GALR1: variants seen among roughly 807,000 people sequenced by gnomAD.
GALR1 encodes galanin receptor 1, also known as galanin receptor type 1.
GALR1 carries 11 observed loss-of-function variants against 17.9 expected under a neutral mutation model. That is an observed-to-expected ratio of 0.62 (90% CI 0.39 to 1.02). The LOEUF (loss-of-function observed/expected upper bound fraction) is 1.02. Ranked by LOEUF, GALR1 falls within the 50% of genes least tolerant of loss-of-function variation. The pLI is 0.01. For missense variants in GALR1, 441 were observed against 456.9 expected (o/e 0.97, Z 0.32); for synonymous variants, 206 against 205.7 (o/e 1.00, Z -0.01).
chr18:77,277,225 T>G lies in GALR1; in HGVS notation c.*8323T>G, dbSNP rs1335755459. On this transcript the variant is annotated 3_prime_UTR_variant, in exon 3 of 3. Coordinates refer to ENST00000299727, the MANE Select transcript of GALR1 (RefSeq NM_001480.4). ...ATCTATGTGTACTGTATTTTTAAAT[T>G]TTAATAAGGTTTGATATGGTTTGGC... is the stretch of plus-strand genomic sequence containing the variant. 3 of 152,220 alleles carry G rather than the reference T, an allele frequency of 2.0e-5. No homozygotes were observed. Among genetic ancestry groups the G allele is most frequent in the Admixed American group, 6.5e-5 (1 of 15,288 alleles). 9.4% of individuals were successfully genotyped at this position (152,220 alleles called of 1,614,324 possible).
intron 2 of GALR1, among the ~76,000 whole-genome samples, chr18:77,262,681 T>A (rs1019706707): frequency 6.6e-6 from 1 of 152,180 alleles, no homozygotes; most frequent in African/African-American, 2.4e-5. Context: ...CCCCTGGAGA[T>A]ATTTAGCTGG....
Position 77,252,832 on chromosome 18 carries a change from C to T in GALR1, c.666+1618C>T, listed in dbSNP as rs575327407. On this transcript the variant is annotated intron_variant, in intron 1 of 2. Coordinates refer to ENST00000299727, the MANE Select transcript of GALR1 (RefSeq NM_001480.4). ...CACTGAACTCTAGCCTGGCTGACAA[C>T]GGAGCGAGACTCTGTCTCAAAACAC... Among the ~76,000 whole-genome samples the T allele has an allele frequency of 1.9e-3, 252 of 135,804 alleles. 1 individual carries two copies. Among genetic ancestry groups the T allele is most frequent in the Non-Finnish European group, 2.8e-3 (179 of 62,944 alleles). 89.1% of individuals were successfully genotyped at this position (135,804 alleles called of 152,430 possible).
Position 77,269,783 on chromosome 18 carries a change from T to C in GALR1, c.*881T>C, listed in dbSNP as rs531571613. The C allele has an allele frequency of 3.3e-5, 5 of 152,304 alleles. No individual in the cohort carries two copies. The South Asian group carries it at 8.3e-4, about 25-fold the overall frequency. The allele number at this position is 152,304 out of a possible 1,614,324, so 9.4% of individuals were successfully genotyped here. A position where few individuals can be genotyped will look rare whatever the true frequency, so the allele number is the denominator to read the frequency against. On this transcript the variant is annotated 3_prime_UTR_variant, in exon 3 of 3. Transcript: ENST00000299727. Reference sequence around the variant, plus strand: ...GATGAAAAAAAATCAGCGAGGTTGATGTAGATAATAATTTCTATGGGACCA... The same window carrying C: ...GATGAAAAAAAATCAGCGAGGTTGACGTAGATAATAATTTCTATGGGACCA...
At chr18:77,266,543 G>A (rs753223346) in intron 2 of GALR1, among the ~76,000 whole-genome samples, 12 of 152,192 alleles carry the variant, frequency 7.9e-5, no homozygotes, top group African/African-American at 2.4e-4. Flanking sequence ...CCAATTTACC[G>A]TATTAGTCCA....
chr18:77,267,538 A>G (rs553991465), intron 2 of GALR1, among the ~76,000 whole-genome samples: 3 of 152,360 alleles, frequency 2.0e-5, no homozygotes, highest in South Asian at 4.1e-4. Context: ...TGTTGTGACC[A>G]TCGCGGCACT....
chr18:77,268,824 A>T lies in GALR1; in HGVS notation c.972A>T (p.Lys324Asn). The change falls in exon 3 of 3, where the codon AAA becomes AAT. Residue 324 changes from lysine to asparagine, a missense_variant. By Grantham distance (94) the Lys-to-Asn change is moderately conservative (BLOSUM62 0). Coordinates refer to ENST00000299727, the MANE Select transcript of GALR1 (RefSeq NM_001480.4). The stretch of plus-strand genomic sequence containing the variant: ...AAGTGTTCAAGTGTCACATTCGCAA[A>T]GATTCACACCTGAGTGATACTAAAG... ...YKQVFKCHIR[K>N]DSHLSDTKES... 6.2e-7 allele frequency: 1 copy of T among 1,614,034 alleles called. No individual in the cohort carries two copies. The highest frequency in any genetic ancestry group is 8.5e-7 in the Non-Finnish European group (1 of 1,179,884).
intron 2 of GALR1, among the ~76,000 whole-genome samples, chr18:77,257,902 G>A (rs2144955263): frequency 1.3e-5 from 2 of 152,346 alleles, no homozygotes; most frequent in African/African-American, 4.8e-5. Context: ...CCATTGATCT[G>A]TGATAAATGT....
intron 2 of GALR1, among the ~76,000 whole-genome samples, chr18:77,258,923 GAT>G (rs1912711776): frequency 6.8e-6 from 1 of 147,390 alleles, no homozygotes; most frequent in Admixed American, 6.7e-5. Flanking sequence ...TGGTGGTGAT[GAT>G]GGTCATGGTG....
chr18:77,264,764 G>T (rs1205590028), intron 2 of GALR1, among the ~76,000 whole-genome samples: 1 of 152,180 alleles, frequency 6.6e-6, no homozygotes, highest in Non-Finnish European at 1.5e-5. Context: ...CAGCAGGAAG[G>T]AGAAGAATGA....
intron 1 of GALR1, among the ~76,000 whole-genome samples, chr18:77,251,746 CCGT>C (rs1912422712): frequency 6.6e-6 from 1 of 152,176 alleles, no homozygotes; most frequent in Admixed American, 6.5e-5. Context: ...TCTCAGCTGG[CCGT>C]GGCGGGGGGG....
chr18:77,267,167 C>T (rs986928488), intron 2 of GALR1, among the ~76,000 whole-genome samples: 8 of 152,322 alleles, frequency 5.3e-5, no homozygotes, highest in South Asian at 2.1e-4. Flanking sequence ...TGTCCCTTCA[C>T]GCCAGGGAAC....
In GALR1 at chr18:77,271,137, A is replaced by G. The variant is rs928211348; in HGVS notation, c.*2235A>G. On this transcript the variant is annotated 3_prime_UTR_variant, in exon 3 of 3. Coordinates refer to ENST00000299727, the MANE Select transcript of GALR1 (RefSeq NM_001480.4). ...AAAAAATACTGTAGCTAATGTTGCTATTTTCTAGAGGCATGCCGAAAATGT... is the reference window on the plus strand; with the variant it reads ...AAAAAATACTGTAGCTAATGTTGCTGTTTTCTAGAGGCATGCCGAAAATGT... The G allele has an allele frequency of 1.3e-5, 2 of 150,436 alleles. No homozygotes were observed. Among genetic ancestry groups the G allele is most frequent in the African/African-American group, 2.4e-5 (1 of 40,948 alleles). 9.3% of individuals were successfully genotyped at this position (150,436 alleles called of 1,614,324 possible).
In GALR1 at chr18:77,251,263, G is replaced by T. The variant is rs751019532; in HGVS notation, c.666+49G>T. The T allele has an allele frequency of 1.0e-5, 16 of 1,550,060 alleles. No homozygotes were observed. The East Asian group carries it at 2.3e-4, about 22-fold the overall frequency. On this transcript the variant is annotated intron_variant, in intron 1 of 2. Transcript: ENST00000299727. ...GACGCGCGAGGGAGGGCGGAGGGCC[G>T]GTGGGGGCCCTGGGGTCTCAGTGTC...
rs1185808315 is a variant in GALR1, at chr18:77,250,244, G to T, written c.-305G>T. Among the ~76,000 whole-genome samples the T allele has an allele frequency of 6.6e-6, 1 of 152,182 alleles. No individual in the cohort carries two copies. Among genetic ancestry groups the T allele is most frequent in the East Asian group, 1.9e-4 (1 of 5,160 alleles). On this transcript the variant is annotated 5_prime_UTR_variant, in exon 1 of 3. Coordinates refer to ENST00000299727, the MANE Select transcript of GALR1 (RefSeq NM_001480.4). Reference sequence around the variant, plus strand: ...ATCCCTCTTCCCAGGCTCCGTGGTCGCGCAGCGGGCGGAGGCGCCCGGGAA... The same window carrying T: ...ATCCCTCTTCCCAGGCTCCGTGGTCTCGCAGCGGGCGGAGGCGCCCGGGAA...
At chr18:77,259,065 C>G (rs1186606492) in intron 2 of GALR1, among the ~76,000 whole-genome samples, 37 of 2,134 alleles carry the variant, frequency 0.017, 1 homozygote, top group Non-Finnish European at 0.1. Context: ...TGATGGTGGT[C>G]ATGGTGGTCA....
rs1339974446 is a variant in GALR1, at chr18:77,250,008, C to CGCGCGGGAT, written c.-533_-525dup. 6.6e-6 allele frequency among the ~76,000 whole-genome samples: 1 copy of CGCGCGGGAT among 152,148 alleles called. No individual in the cohort carries two copies. The highest frequency in any genetic ancestry group is 2.4e-5 in the African/African-American group (1 of 41,448). ...AGCCCACTGGGGAGGTGGCGCTGGGCGCGCGGGATGCGCGGGGAGCCTTCT... is the reference window on the plus strand; with the variant it reads ...AGCCCACTGGGGAGGTGGCGCTGGGCGCGCGGGATGCGCGGGATGCGCGGGGAGCCTTCT... On this transcript the variant is annotated 5_prime_UTR_variant, in exon 1 of 3. The change creates a new upstream start codon in the 5' untranslated region. Transcript: ENST00000299727.
At position 77,250,049 on chromosome 18, in the gene GALR1, A is replaced by G. The variant is rs1158310768; in HGVS notation, c.-500A>G. ...GGAGCCTTCTCTGCAGGAGCCGCAC[A>G]GTGCACTGCTGCGCGCTGGGCAGTG... On this transcript the variant is annotated 5_prime_UTR_variant, in exon 1 of 3. Transcript: ENST00000299727. Among the ~76,000 whole-genome samples, 1 of 152,156 alleles carries G rather than the reference A, an allele frequency of 6.6e-6. No homozygotes were observed. Among genetic ancestry groups the G allele is most frequent in the African/African-American group, 2.4e-5 (1 of 41,450 alleles).
At position 77,271,733 on chromosome 18, in the gene GALR1, A is replaced by T. The variant is rs1340818630; in HGVS notation, c.*2831A>T. ...AAGAAAACTGATGCTTTCTAAGCAG[A>T]TTTGGCTGTCTCAGTGCCCAAGGCA... On this transcript the variant is annotated 3_prime_UTR_variant, in exon 3 of 3. Coordinates refer to ENST00000299727, the MANE Select transcript of GALR1 (RefSeq NM_001480.4). 1 of 152,236 alleles carries T rather than the reference A, an allele frequency of 6.6e-6. No homozygotes were observed. The highest frequency in any genetic ancestry group is 1.5e-5 in the Non-Finnish European group (1 of 68,042). 9.4% of individuals were successfully genotyped at this position (152,236 alleles called of 1,614,324 possible).
chr18:77,258,673 T>TGGTGGTGATGGTGATGGTGGTG, intron 2 of GALR1, among the ~76,000 whole-genome samples: 3 of 143,246 alleles, frequency 2.1e-5, no homozygotes, highest in Non-Finnish European at 3.1e-5. Context: ...GTGGTGGTCA[T>TGGTGGTGATGGTGATGGTGGTG]GGTGGTGATG....
Sources: allele counts gnomAD v4.1 joint callset (sites outside exome capture counted in the v4.1 genomes callset), GRCh38; gene constraint gnomAD v4.1.1; transcripts MANE v1.5; gene names NCBI Gene and HGNC (gene_info 2026-07-23, HGNC 2026-07-21).